The following IRF1 variants were observed in gnomAD, a reference collection of about 807,000 sequenced individuals.
The protein encoded by IRF1 is interferon regulatory factor 1, also known as interferon regulatory factor-1.
A neutral mutation model predicts 43.7 loss-of-function variants in IRF1; 13 were observed. The observed-to-expected ratio is 0.30, with a 90% confidence interval of 0.19 to 0.47. The LOEUF (loss-of-function observed/expected upper bound fraction) is 0.47. Among genes scored for constraint, IRF1 ranks in the 20% least tolerant of loss-of-function variants. IRF1 has a pLI of 0.99. For missense variants in IRF1, 236 were observed against 408.9 expected, an observed-to-expected ratio of 0.58 and a Z score of 3.65; for synonymous variants, 138 against 146.8, an observed-to-expected ratio of 0.94 and a Z score of 0.43.
rs968575212 is a variant in IRF1 at position 132,489,110 on chromosome 5, G to C, written c.87+282C>G. 3.3e-4 allele frequency: 122 copies of C among 375,048 alleles called. 1 individual carries two copies. The highest frequency in any genetic ancestry group is 2.2e-3 in the African/African-American group (109 of 48,790). The allele number at this position is 375,048 out of a possible 1,614,324, so 23.2% of individuals were successfully genotyped here. On this transcript the variant is annotated intron_variant, in intron 2 of 9. Coordinates refer to ENST00000245414, the MANE Select transcript of IRF1 (RefSeq NM_002198.3). ...TGTATGTTTGTAAGGGTCTCGCTTA[G>C]AGGAGAGCAGAACTCCAGCTCTGCA...
chr5:132,489,257 C>A (rs914586440), intron 2 of IRF1, 135 bp downstream of exon 2: 2 of 696,526 alleles, frequency 2.9e-6, no homozygotes, highest in Non-Finnish European at 2.6e-6. Flanking sequence ...ACACTCCCTG[C>A]ATGCAGGACC....
intron 2 of IRF1, 165 bp downstream of exon 2, chr5:132,489,227 A>C (rs899434526): frequency 1.7e-6 from 1 of 596,734 alleles, no homozygotes; most frequent in South Asian, 1.9e-5. Flanking sequence ...CATGCAAGTG[A>C]GGCCCAGGCT....
Position 132,483,708 on chromosome 5 carries a change from C to T in IRF1, c.*243G>A. The T allele has an allele frequency of 2.1e-6, 1 of 482,428 alleles. No individual in the cohort carries two copies. The highest frequency in any genetic ancestry group is 3.7e-5 in the East Asian group (1 of 27,132). The allele number at this position is 482,428 out of a possible 1,614,324, so 29.9% of individuals were successfully genotyped here. A position where few individuals can be genotyped will look rare whatever the true frequency, so the allele number is the denominator to read the frequency against. On this transcript the variant is annotated 3_prime_UTR_variant, in exon 10 of 10. Transcript: ENST00000245414. Reference sequence around the variant, plus strand: ...CTGTCCAAGTCCCTGACCTGATACACTGGTCTCAGAACCTCATCTTCCCAG... The same window carrying T: ...CTGTCCAAGTCCCTGACCTGATACATTGGTCTCAGAACCTCATCTTCCCAG...
intron 2 of IRF1, 63 bp from the exon 3 acceptor site, chr5:132,488,088 A>G (rs1158147222): frequency 2.3e-6 from 3 of 1,276,846 alleles, no homozygotes; most frequent in Non-Finnish European, 3.4e-6. Context: ...TTTGGGGCTG[A>G]GTCTGAGACC....
intron 2 of IRF1, chr5:132,488,372 T>G (rs10213701): frequency 4.3e-6 from 1 of 234,880 alleles, no homozygotes; most frequent in Non-Finnish European, 8.7e-6. Context: ...AGCACCCACA[T>G]GGAAGTAAGA....
At chr5:132,484,323 C>T in intron 9 of IRF1, 39 bp downstream of exon 9, 1 of 1,610,320 alleles carries the variant, frequency 6.2e-7, no homozygotes, top group Non-Finnish European at 8.5e-7. Context: ...CGTGGTTCTC[C>T]CTCATCTAAG....
At position 132,483,829 on chromosome 5, in the gene IRF1, C is replaced by G. The variant is rs2126835965; in HGVS notation, c.*122G>C. The G allele has an allele frequency of 7.7e-7, 1 of 1,293,412 alleles. No individual in the cohort carries two copies. The highest frequency in any genetic ancestry group is 1.5e-5 in the African/African-American group (1 of 67,340). 80.1% of individuals were successfully genotyped at this position (1,293,412 alleles called of 1,614,324 possible). A position where few individuals can be genotyped will look rare whatever the true frequency, so the allele number is the denominator to read the frequency against. On this transcript the variant is annotated 3_prime_UTR_variant, in exon 10 of 10. Coordinates refer to ENST00000245414, the MANE Select transcript of IRF1 (RefSeq NM_002198.3). ...CCCAAGGAGGGAGGCCCCATCCCCA[C>G]TTGGCAGTGGGGTCACACTTGGCTG...
rs749638981 is a variant in IRF1, at chr5:132,486,805, G to A, written c.404C>T (p.Ala135Val). The A allele has an allele frequency of 6.2e-7, 1 of 1,614,232 alleles. No homozygotes were observed. The highest frequency in any genetic ancestry group is 8.5e-7 in the Non-Finnish European group (1 of 1,180,030). ...TAGGACCACACTCACCTTCCTCTTG[G>A]CCTTGCTCTTAGCATCTCGGCTGGA... is the stretch of plus-strand genomic sequence containing the variant. ...SKSSRDAKSKAKRKSCGDSSP... is the reference protein window; with the variant it reads ...SKSSRDAKSKVKRKSCGDSSP... Residue 135 changes from alanine (A) to valine (V), a missense_variant, in exon 5 of 10, where the codon GCC (alanine) becomes GTC (valine). Ala to Val is a moderately conservative substitution (Grantham distance 64, BLOSUM62 0). Transcript: ENST00000245414.
chr5:132,488,295 C>G (rs985940680), intron 2 of IRF1: 9 of 382,772 alleles, frequency 2.4e-5, no homozygotes, highest in Non-Finnish European at 4.4e-5. Context: ...TGTGCTAGGA[C>G]CCACACAGGG....
chr5:132,490,311 G>A lies in IRF1; in HGVS notation c.-6+234C>T, dbSNP rs1332902807. The A allele has an allele frequency of 1.3e-5, 2 of 151,170 alleles. No homozygotes were observed. The highest frequency in any genetic ancestry group is 3.0e-5 in the Non-Finnish European group (2 of 67,686). The allele number at this position is 151,170 out of a possible 1,614,324, so 9.4% of individuals were successfully genotyped here. A position where few individuals can be genotyped will look rare whatever the true frequency, so the allele number is the denominator to read the frequency against. ...GCGCGCACGCAGATCTGCGAAAGCT[G>A]CCGGGCGCCGGCAGCCTCGTCCGGG... On this transcript the variant is annotated intron_variant, in intron 1 of 9. Coordinates refer to ENST00000245414, the MANE Select transcript of IRF1 (RefSeq NM_002198.3). The surrounding 1 kb of genome is among the most constrained non-coding windows in gnomAD (Gnocchi z 5.8).
intron 8 of IRF1, 30 bp downstream of exon 8, chr5:132,485,637 C>T (rs755264134): frequency 8.3e-6 from 13 of 1,568,502 alleles, no homozygotes; most frequent in Non-Finnish European, 1.1e-5. Flanking sequence ...ACGGTCACTT[C>T]AAGAGTGCCC....
chr5:132,484,109 G>A, intron 9 of IRF1, 34 bp from the exon 10 acceptor site: 1 of 1,609,628 alleles, frequency 6.2e-7, no homozygotes, highest in Non-Finnish European at 8.5e-7. Context: ...ATGAGGGTAG[G>A]GGACGGTGGC....
rs1197585957 is a variant in IRF1, at chr5:132,482,155, T to A, written c.*1796A>T. 2 of 151,376 alleles carry A rather than the reference T, an allele frequency of 1.3e-5. No homozygotes were observed. Among genetic ancestry groups the A allele is most frequent in the East Asian group, 3.9e-4 (2 of 5,146 alleles). The allele number at this position is 151,376 out of a possible 1,614,324, so 9.4% of individuals were successfully genotyped here. On this transcript the variant is annotated 3_prime_UTR_variant, in exon 10 of 10. Transcript: ENST00000245414. ...GCAACCTCCATCTCCCGGGTTCAAG[T>A]GATTCTTGTGCTTCAGCCTCCACAG...
At position 132,489,413 on chromosome 5, in the gene IRF1, C is replaced by G; in HGVS notation, c.66G>C (p.Pro22=). ...TCACTTTATTAATCCAGATGAGCCCCGGGATTTGGTTGGAATTAATCTGCA... is the reference window on the plus strand; with the variant it reads ...TCACTTTATTAATCCAGATGAGCCCGGGGATTTGGTTGGAATTAATCTGCA... The part of the protein sequence containing the change: ...LEMQINSNQI[P]GLIWINKEEM... Residue 22 remains proline (P), a synonymous_variant, in exon 2 of 10, where the codon CCG becomes CCC. Transcript: ENST00000245414. 1.9e-6 allele frequency: 3 copies of G among 1,613,820 alleles called. No individual in the cohort carries two copies. The highest frequency in any genetic ancestry group is 1.7e-5 in the Admixed American group (1 of 60,016).
intron 2 of IRF1, 107 bp downstream of exon 2, chr5:132,489,285 G>T (rs1440200449): frequency 1.1e-6 from 1 of 871,034 alleles, no homozygotes; most frequent in Non-Finnish European, 1.9e-6. Context: ...AGAAACACCT[G>T]CTTGTCCCGT....
At chr5:132,487,402 T>A (rs1439531363) in intron 3 of IRF1, 2 of 483,380 alleles carry the variant, frequency 4.1e-6, no homozygotes, top group African/African-American at 1.9e-5. Flanking sequence ...AAGTGTACTA[T>A]CTGTGTCTCA....
At chr5:132,484,135 C>T in intron 9 of IRF1, 60 bp from the exon 10 acceptor site, 2 of 1,595,698 alleles carry the variant, frequency 1.3e-6, no homozygotes, top group Non-Finnish European at 1.7e-6. Context: ...GTGTGCTTCC[C>T]CCTACCCCTG....
intron 7 of IRF1, 133 bp from the exon 8 acceptor site, chr5:132,485,849 A>ACACACCC: frequency 3.0e-6 from 2 of 669,152 alleles, no homozygotes; most frequent in South Asian, 1.7e-5. Flanking sequence ...ACACACACAC[A>ACACACCC]CCCTCCCGGT....
At chr5:132,489,302 T>C in intron 2 of IRF1, 90 bp downstream of exon 2, 1 of 998,520 alleles carries the variant, frequency 1.0e-6, no homozygotes, top group Non-Finnish European at 1.6e-6. Flanking sequence ...CCGTTATCAC[T>C]TCCCTTTTTG....
Sources: allele counts gnomAD v4.1 joint callset, GRCh38; gene constraint gnomAD v4.1.1; non-coding constraint Gnocchi (gnomAD v3.1); transcripts MANE v1.5; gene names NCBI Gene and HGNC (gene_info 2026-07-23, HGNC 2026-07-21).